The following CTSO variants were observed in gnomAD, a reference collection of about 807,000 sequenced individuals.
CTSO encodes cathepsin O.
CTSO carries 40 observed loss-of-function variants against 42.4 expected under a neutral mutation model. That is an observed-to-expected ratio of 0.94 (90% CI 0.73 to 1.23). The LOEUF is 1.23. CTSO is among the 50% of genes most tolerant of loss of function. The probability of loss-of-function intolerance (pLI) is 0.00; values close to 1 mark genes in which losing one functional copy is unlikely to be tolerated. For missense variants in CTSO, 441 were observed against 396.0 expected (o/e 1.11, Z -0.96); for synonymous variants, 156 against 146.2 (o/e 1.07, Z -0.48).
intron 4 of CTSO, among the ~76,000 whole-genome samples, chr4:155,938,047 C>T (rs1743362609): frequency 6.6e-6 from 1 of 152,126 alleles, no homozygotes. Flanking sequence ...GTAGATCCTC[C>T]ATGGATCTAG....
chr4:155,938,349 G>A (rs753376451), intron 4 of CTSO, among the ~76,000 whole-genome samples: 7 of 152,172 alleles, frequency 4.6e-5, no homozygotes, highest in Admixed American at 2.0e-4. Context: ...CCTGGAATAC[G>A]TGATTAAAAA....
chr4:155,925,776 C>T lies in CTSO; in HGVS notation c.*260G>A. The T allele has an allele frequency of 2.3e-6, 1 of 425,842 alleles. No homozygotes were observed. The highest frequency in any genetic ancestry group is 4.1e-6 in the Non-Finnish European group (1 of 243,960). The allele number at this position is 425,842 out of a possible 1,614,324, so 26.4% of individuals were successfully genotyped here. A position where few individuals can be genotyped will look rare whatever the true frequency, so the allele number is the denominator to read the frequency against. On this transcript the variant is annotated 3_prime_UTR_variant, in exon 8 of 8. Coordinates refer to ENST00000433477, the MANE Select transcript of CTSO (RefSeq NM_001334.3). Reference sequence around the variant, plus strand: ...GCAGGGGCCTAAAATATCTCCTAATCTGAATTTCGTCTCAGGACAGGAAAC... The same window carrying T: ...GCAGGGGCCTAAAATATCTCCTAATTTGAATTTCGTCTCAGGACAGGAAAC...
intron 5 of CTSO, among the ~76,000 whole-genome samples, chr4:155,933,599 A>C (rs1305614944): frequency 6.6e-6 from 1 of 152,204 alleles, no homozygotes; most frequent in Non-Finnish European, 1.5e-5. Context: ...AGACTTGTCG[A>C]ATGGCTTTCA....
intron 3 of CTSO, 95 bp from the exon 4 acceptor site, chr4:155,939,633 TC>T: frequency 8.5e-7 from 1 of 1,172,418 alleles, no homozygotes; most frequent in Non-Finnish European, 1.2e-6. Context: ...AAGTAAGGCT[TC>T]CAGATTCTGG....
intron 2 of CTSO, 152 bp downstream of exon 2, chr4:155,943,004 T>C (rs1743468401): frequency 1.9e-6 from 1 of 517,640 alleles, no homozygotes; most frequent in Non-Finnish European, 3.5e-6. Context: ...TATTTTCTTA[T>C]GTGAGCACAT....
At chr4:155,937,909 C>T (rs1437845130) in intron 4 of CTSO, among the ~76,000 whole-genome samples, 4 of 152,190 alleles carry the variant, frequency 2.6e-5, no homozygotes, top group Non-Finnish European at 5.9e-5. Flanking sequence ...AGGCATTGTG[C>T]CCAGCCTATA....
chr4:155,935,430 T>C (rs1360130546), intron 5 of CTSO, among the ~76,000 whole-genome samples: 3 of 152,068 alleles, frequency 2.0e-5, no homozygotes, highest in Admixed American at 2.0e-4. Flanking sequence ...AGACATGTTT[T>C]TGCCTCACGA....
intron 6 of CTSO, among the ~76,000 whole-genome samples, chr4:155,928,789 C>T (rs745355693): frequency 2.2e-4 from 33 of 152,150 alleles, no homozygotes; most frequent in Admixed American, 7.8e-4. Flanking sequence ...TAAATGTTCC[C>T]GATACAGTTT....
intron 1 of CTSO, among the ~76,000 whole-genome samples, chr4:155,952,411 A>G (rs1208352966): frequency 3.3e-5 from 5 of 152,218 alleles, no homozygotes; most frequent in African/African-American, 9.6e-5. Flanking sequence ...TTGTCCTGAA[A>G]TATTATTTTT....
At chr4:155,931,916 C>A (rs1370523782) in intron 5 of CTSO, among the ~76,000 whole-genome samples, 1 of 151,586 alleles carries the variant, frequency 6.6e-6, no homozygotes, top group Admixed American at 6.6e-5. Context: ...TTATTGTCAT[C>A]AAGATGCGGC....
intron 6 of CTSO, 146 bp downstream of exon 6, chr4:155,929,396 C>G: frequency 1.4e-6 from 1 of 739,360 alleles, no homozygotes. Flanking sequence ...GGCACATTTA[C>G]TCCTATAAGA....
intron 1 of CTSO, among the ~76,000 whole-genome samples, chr4:155,946,871 A>G (rs1743556586): frequency 6.6e-6 from 1 of 152,210 alleles, no homozygotes; most frequent in South Asian, 2.1e-4. Flanking sequence ...AATTATTATT[A>G]TTTTGAGGCG....
chr4:155,929,143 C>G (rs930128331), intron 6 of CTSO, among the ~76,000 whole-genome samples: 4 of 152,228 alleles, frequency 2.6e-5, no homozygotes, highest in Non-Finnish European at 5.9e-5. Flanking sequence ...AGACCTATCC[C>G]TTTATTTCGG....
Position 155,928,715 on chromosome 4 carries a change from A to G in CTSO, c.839-287T>C, listed in dbSNP as rs955732673. Among the ~76,000 whole-genome samples, 14 of 152,352 alleles carry G rather than the reference A, an allele frequency of 9.2e-5. No homozygotes were observed. The East Asian group carries it at 2.7e-3, about 29-fold the overall frequency. The stretch of plus-strand genomic sequence containing the variant: ...CTAATTTCCAAGGAATCAGAAAAAG[A>G]AAAAAGAACTTTTAGATACGTATGA... On this transcript the variant is annotated intron_variant, in intron 6 of 7. Transcript: ENST00000433477.
chr4:155,926,469 CTT>C (rs1444806562), intron 7 of CTSO, among the ~76,000 whole-genome samples: 1 of 152,134 alleles, frequency 6.6e-6, no homozygotes, highest in Non-Finnish European at 1.5e-5. Flanking sequence ...GTGGGTAAAA[CTT>C]TAATAAATCA....
Position 155,943,276 on chromosome 4 carries a change from A to G in CTSO, c.136-12T>C. 6.6e-7 allele frequency: 1 copy of G among 1,515,936 alleles called. No individual in the cohort carries two copies. The allele number at this position is 1,515,936 out of a possible 1,614,324, so 93.9% of individuals were successfully genotyped here. ...CTATTAAGACTTTCCTAGAAGAAAAACAAAAACTATTTCATATCCACTATG... is the reference window on the plus strand; with the variant it reads ...CTATTAAGACTTTCCTAGAAGAAAAGCAAAAACTATTTCATATCCACTATG... On this transcript the variant is annotated splice_polypyrimidine_tract_variant and intron_variant, in intron 1 of 7. Coordinates refer to ENST00000433477, the MANE Select transcript of CTSO (RefSeq NM_001334.3).
intron 2 of CTSO, among the ~76,000 whole-genome samples, 185 bp from the exon 3 acceptor site, chr4:155,942,641 C>T (rs868381674): frequency 2.0e-5 from 3 of 151,396 alleles, no homozygotes; most frequent in African/African-American, 7.3e-5. Context: ...TTGGGAGGAA[C>T]TTTTAAAGAA....
At chr4:155,937,579 C>G in intron 4 of CTSO, 96 bp from the exon 5 acceptor site, 2 of 1,105,452 alleles carry the variant, frequency 1.8e-6, no homozygotes, top group Non-Finnish European at 2.7e-6. Flanking sequence ...CAATTTCACA[C>G]ACCTTCATCA....
rs554587439 is a variant in CTSO, at chr4:155,952,120, A to G, written c.135+1593T>C. On this transcript the variant is annotated intron_variant, in intron 1 of 7. Coordinates refer to ENST00000433477, the MANE Select transcript of CTSO (RefSeq NM_001334.3). ...ATGAAGCAAATTCTTACAGGCAGCA[A>G]TTGCTTTGAAAATTTTTTCAGTATT... 4.6e-5 allele frequency among the ~76,000 whole-genome samples: 7 copies of G among 152,180 alleles called. No homozygotes were observed. In the East Asian group the frequency reaches 1.4e-3, roughly 29 times the overall value.
Sources: gnomAD v4.1 joint callset for allele counts (sites outside exome capture counted in the v4.1 genomes callset) on GRCh38, gnomAD v4.1.1 for gene constraint, MANE v1.5 for transcripts, NCBI Gene and HGNC (gene_info 2026-07-23, HGNC 2026-07-21) for gene names.